SEC24C: variants seen among roughly 807,000 people sequenced by gnomAD.
SEC24C encodes SEC24 homolog C, COPII component, also known as protein transport protein Sec24C.
In SEC24C, 22 loss-of-function variants were observed where a neutral mutation model predicts 117.0. That is an observed-to-expected ratio of 0.19 (90% CI 0.13 to 0.27). The LOEUF (loss-of-function observed/expected upper bound fraction) is 0.27. SEC24C is among the 10% of genes least tolerant of loss of function. The probability of loss-of-function intolerance (pLI) is 1.00; values close to 1 mark genes in which losing one functional copy is unlikely to be tolerated. For missense variants in SEC24C, 1,155 were observed against 1,375.1 expected (o/e 0.84, Z 2.53); for synonymous variants, 506 against 529.4 (o/e 0.96, Z 0.61).
At chr10:73,767,228 C>G (rs2082898769) in intron 14 of SEC24C, 58 bp downstream of exon 14, 1 of 1,149,222 alleles carries the variant, frequency 8.7e-7, no homozygotes, top group African/African-American at 1.5e-5. Flanking sequence ...GAAGTGGGGA[C>G]TCTACTTTCT....
At chr10:73,745,106 A>G (rs923590182) in intron 1 of SEC24C, among the ~76,000 whole-genome samples, 1 of 152,174 alleles carries the variant, frequency 6.6e-6, no homozygotes, top group Non-Finnish European at 1.5e-5. Flanking sequence ...CCCTTCTAGC[A>G]AAGGGGGAGA....
chr10:73,760,318 CTG>C lies in SEC24C; in HGVS notation c.783_784del (p.Gly262AlafsTer33). ...GCTCTGCCCCCTGGCACCCAGATGACTGGGCCCCTGGGACCACTGCCACCTAT... is the reference window on the plus strand; with the variant it reads ...GCTCTGCCCCCTGGCACCCAGATGACGGCCCCTGGGACCACTGCCACCTAT... On this transcript the variant is annotated frameshift_variant, in exon 5 of 23. Transcript: ENST00000345254. LOFTEE classifies it high-confidence loss of function. 6.2e-7 allele frequency: 1 copy of C among 1,612,482 alleles called. No individual in the cohort carries two copies. Among genetic ancestry groups the C allele is most frequent in the Non-Finnish European group, 8.5e-7 (1 of 1,179,990 alleles).
At position 73,756,208 on chromosome 10, in the gene SEC24C, TG is replaced by T. The variant is rs560655419; in HGVS notation, c.309-3411del. On this transcript the variant is annotated intron_variant, in intron 3 of 22. Coordinates refer to ENST00000345254, the MANE Select transcript of SEC24C (RefSeq NM_198597.3). ...ATTGACTCTGGAGCTGCCTGTAGAT[TG>T]GGTGGATTCATCATCTTGAGAAGCC... Among the ~76,000 whole-genome samples the T allele has an allele frequency of 1.6e-4, 25 of 152,262 alleles. No individual in the cohort carries two copies. The East Asian group carries it at 4.6e-3, about 28-fold the overall frequency.
At chr10:73,768,349 CCAGAGCGA>C (rs2082917964) in intron 15 of SEC24C, among the ~76,000 whole-genome samples, 1 of 152,234 alleles carries the variant, frequency 6.6e-6, no homozygotes, top group Non-Finnish European at 1.5e-5. Context: ...TGCACTCCAG[CCAGAGCGA>C]CAGAGTAAGA....
At chr10:73,752,491 A>AAAAGT (rs2082655752) in intron 3 of SEC24C, among the ~76,000 whole-genome samples, 1 of 152,194 alleles carries the variant, frequency 6.6e-6, no homozygotes, top group African/African-American at 2.4e-5. Flanking sequence ...ATGATAATAG[A>AAAAGT]AAAGTCACTT....
Position 73,771,426 on chromosome 10 carries a change from AC to A in SEC24C, c.*333del, listed in dbSNP as rs1719331640. ...CTGGCAATATTATGTGTCCCTTTGG[AC>A]CAGTCTCCCAAGAGGAGAGGGGCAG... On this transcript the variant is annotated 3_prime_UTR_variant, in exon 23 of 23. Transcript: ENST00000345254. 3.8e-6 allele frequency: 1 copy of A among 264,560 alleles called. No homozygotes were observed. Among genetic ancestry groups the A allele is most frequent in the Non-Finnish European group, 7.3e-6 (1 of 136,098 alleles). The allele number at this position is 264,560 out of a possible 1,614,324, so 16.4% of individuals were successfully genotyped here. A position where few individuals can be genotyped will look rare whatever the true frequency, so the allele number is the denominator to read the frequency against.
chr10:73,749,817 C>T (rs546019973), intron 2 of SEC24C, among the ~76,000 whole-genome samples: 1 of 152,338 alleles, frequency 6.6e-6, no homozygotes, highest in Admixed American at 6.5e-5. Flanking sequence ...GCTGGGATTA[C>T]AGGCGTGAGC....
At chr10:73,749,790 C>T (rs1373894970) in intron 2 of SEC24C, among the ~76,000 whole-genome samples, 1 of 152,162 alleles carries the variant, frequency 6.6e-6, no homozygotes, top group Non-Finnish European at 1.5e-5. Context: ...GATCCACCTG[C>T]CTTGGCCTCC....
chr10:73,744,624 C>T (rs2082515787), intron 1 of SEC24C, among the ~76,000 whole-genome samples, 187 bp downstream of exon 1: 1 of 152,168 alleles, frequency 6.6e-6, no homozygotes, highest in African/African-American at 2.4e-5. Context: ...TCTCCCGGCC[C>T]AGATTCCGGC....
At position 73,760,642 on chromosome 10, in the gene SEC24C, C is replaced by G. The variant is rs2082783674; in HGVS notation, c.851-71C>G. The G allele has an allele frequency of 2.1e-6, 3 of 1,445,972 alleles. No homozygotes were observed. The Admixed American group carries it at 7.1e-5, about 34-fold the overall frequency. The allele number at this position is 1,445,972 out of a possible 1,614,324, so 89.6% of individuals were successfully genotyped here. A position where few individuals can be genotyped will look rare whatever the true frequency, so the allele number is the denominator to read the frequency against. ...AATTCTATGTTTTTAGGAGTCTAGT[C>G]ATTTTCCTGAGGCCTTAAGAAGAGA... On this transcript the variant is annotated intron_variant, in intron 5 of 22. Transcript: ENST00000345254.
At position 73,766,858 on chromosome 10, in the gene SEC24C, G is replaced by T; in HGVS notation, c.1893+5G>T. Reference sequence around the variant, plus strand: ...GCTGGAATGGAGGCTCTGAAGGTAAGGCTGGAGTATCGGGCAACCTCCTCT... The same window carrying T: ...GCTGGAATGGAGGCTCTGAAGGTAATGCTGGAGTATCGGGCAACCTCCTCT... On this transcript the variant is annotated splice_donor_5th_base_variant and intron_variant, in intron 13 of 22. Transcript: ENST00000345254. 6 of 1,613,260 alleles carry T rather than the reference G, an allele frequency of 3.7e-6. No individual in the cohort carries two copies. Among genetic ancestry groups the T allele is most frequent in the Non-Finnish European group, 5.1e-6 (6 of 1,179,160 alleles).
At chr10:73,749,523 C>T (rs1234693373) in intron 2 of SEC24C, among the ~76,000 whole-genome samples, 4 of 150,856 alleles carry the variant, frequency 2.7e-5, no homozygotes, top group Non-Finnish European at 5.9e-5. Context: ...GGCTTTTAAC[C>T]TTACCTTTTC....
chr10:73,767,273 A>G, intron 14 of SEC24C, 103 bp downstream of exon 14: 1 of 737,436 alleles, frequency 1.4e-6, no homozygotes. Flanking sequence ...CCACCCTTTC[A>G]AATACCATAT....
At chr10:73,746,282 C>G (rs567162332) in intron 1 of SEC24C, among the ~76,000 whole-genome samples, 2 of 151,708 alleles carry the variant, frequency 1.3e-5, no homozygotes, top group African/African-American at 4.8e-5. Context: ...ATTTCTGTAA[C>G]TCAGCCTAAA....
intron 3 of SEC24C, among the ~76,000 whole-genome samples, chr10:73,755,389 A>G (rs1052981498): frequency 6.6e-6 from 1 of 151,990 alleles, no homozygotes; most frequent in Non-Finnish European, 1.5e-5. Flanking sequence ...AGTGAGTCAG[A>G]GTTTCAGGCC....
intron 20 of SEC24C, 131 bp from the exon 21 acceptor site, chr10:73,770,149 C>T: frequency 8.0e-7 from 1 of 1,244,478 alleles, no homozygotes. Flanking sequence ...AATTTTCACA[C>T]TGAGAGAGTT....
chr10:73,756,228 A>G (rs2082708056), intron 3 of SEC24C, among the ~76,000 whole-genome samples: 1 of 152,210 alleles, frequency 6.6e-6, no homozygotes, highest in South Asian at 2.1e-4. Flanking sequence ...CATCATCTTG[A>G]GAAGCCAGGG....
chr10:73,747,681 CAG>C (rs2082578610), intron 2 of SEC24C, among the ~76,000 whole-genome samples: 1 of 116,006 alleles, frequency 8.6e-6, no homozygotes, highest in South Asian at 2.9e-4. Context: ...TTTTTTGAGA[CAG>C]AGTTTTACTC....
At chr10:73,760,429 G>A (rs1565042410) in intron 5 of SEC24C, 43 bp downstream of exon 5, 1 of 1,518,688 alleles carries the variant, frequency 6.6e-7, no homozygotes, top group East Asian at 2.3e-5. Flanking sequence ...AGAGGCTTCA[G>A]CTACTCAGGT....
Sources: allele counts gnomAD v4.1 joint callset (sites outside exome capture counted in the v4.1 genomes callset), GRCh38; gene constraint gnomAD v4.1.1; transcripts MANE v1.5; gene names NCBI Gene and HGNC (gene_info 2026-07-23, HGNC 2026-07-21).